Variants in COG7 observed in about 807,000 individuals in gnomAD.
COG7 encodes component of oligomeric golgi complex 7, also known as conserved oligomeric Golgi complex subunit 7.
In COG7, 49 loss-of-function variants were observed where a neutral mutation model predicts 91.5. That is an observed-to-expected ratio of 0.54 (90% CI 0.43 to 0.68). COG7 has a LOEUF of 0.68. Among genes scored for constraint, COG7 ranks in the 30% least tolerant of loss-of-function variants. The pLI is 0.00. For missense variants in COG7, 895 were observed against 961.3 expected, an observed-to-expected ratio of 0.93 and a Z score of 0.91; for synonymous variants, 365 against 388.7, an observed-to-expected ratio of 0.94 and a Z score of 0.72.
Position 23,389,412 on chromosome 16 carries a change from CACACACACTCACATGT to C in COG7, c.2147-342_2147-327del, listed in dbSNP as rs1461421673. 9.2e-4 allele frequency among the ~76,000 whole-genome samples: 140 copies of C among 151,530 alleles called. 1 individual carries two copies. Among genetic ancestry groups the C allele is most frequent in the Non-Finnish European group, 1.8e-3 (119 of 67,912 alleles). ...TCACATCCAAACTCACACAAACTCG[CACACACACTCACATGT>C]ACACACACTCACATGCACACACTCT... On this transcript the variant is annotated intron_variant, in intron 16 of 16. Transcript: ENST00000307149.
intron 6 of COG7, among the ~76,000 whole-genome samples, chr16:23,426,180 C>A (rs1366394907): frequency 6.6e-6 from 1 of 152,196 alleles, no homozygotes; most frequent in African/African-American, 2.4e-5. Flanking sequence ...GTTGCCACTG[C>A]ACTCCAGCCT....
chr16:23,451,595 C>T (rs1434878525), intron 1 of COG7, among the ~76,000 whole-genome samples: 26 of 151,700 alleles, frequency 1.7e-4, no homozygotes, highest in Admixed American at 1.7e-3. Flanking sequence ...TGGCACATGC[C>T]TATAGTTCCA....
intron 12 of COG7, among the ~76,000 whole-genome samples, chr16:23,404,983 C>T (rs1457359577): frequency 6.6e-6 from 1 of 152,150 alleles, no homozygotes; most frequent in East Asian, 1.9e-4. Flanking sequence ...CTGTCTATCA[C>T]CAAGAGTGAA....
intron 11 of COG7, among the ~76,000 whole-genome samples, chr16:23,407,990 T>A: frequency 6.7e-6 from 1 of 149,204 alleles, no homozygotes; most frequent in African/African-American, 2.5e-5. Context: ...CTAAGCTCTT[T>A]GAGGGCGAGG....
intron 16 of COG7, among the ~76,000 whole-genome samples, chr16:23,391,321 C>G (rs1963192129): frequency 6.6e-6 from 1 of 152,204 alleles, no homozygotes; most frequent in South Asian, 2.1e-4. Flanking sequence ...AGTTCTTCCC[C>G]CTGCTGCTGC....
Position 23,388,839 on chromosome 16 carries a change from G to A in COG7, c.*81C>T. ...TAAAGTAACTTCTGCCCAATCTTGGGCAGAGTTTCTGAGCAAATCTGTGCT... is the reference window on the plus strand; with the variant it reads ...TAAAGTAACTTCTGCCCAATCTTGGACAGAGTTTCTGAGCAAATCTGTGCT... On this transcript the variant is annotated 3_prime_UTR_variant, in exon 17 of 17. Coordinates refer to ENST00000307149, the MANE Select transcript of COG7 (RefSeq NM_153603.4). 1.2e-6 allele frequency: 2 copies of A among 1,605,970 alleles called. No individual in the cohort carries two copies. The highest frequency in any genetic ancestry group is 1.7e-6 in the Non-Finnish European group (2 of 1,177,022).
intron 14 of COG7, among the ~76,000 whole-genome samples, chr16:23,397,151 C>A (rs1963298651): frequency 6.6e-6 from 1 of 152,188 alleles, no homozygotes; most frequent in Non-Finnish European, 1.5e-5. Context: ...TCAAGCAATT[C>A]TCTCGCCTCT....
At chr16:23,403,623 A>G (rs1332232216) in intron 13 of COG7, 71 bp downstream of exon 13, 3 of 1,582,970 alleles carry the variant, frequency 1.9e-6, no homozygotes, top group East Asian at 4.5e-5. Context: ...GGGAGGGTTA[A>G]GCCCACACTC....
At chr16:23,450,931 T>A (rs1428967439) in intron 1 of COG7, among the ~76,000 whole-genome samples, 1 of 151,618 alleles carries the variant, frequency 6.6e-6, no homozygotes, top group Non-Finnish European at 1.5e-5. Flanking sequence ...CAGTGGCTCA[T>A]GCCTGTAATC....
At chr16:23,444,426 A>G (rs1343626942) in intron 3 of COG7, among the ~76,000 whole-genome samples, 2 of 151,812 alleles carry the variant, frequency 1.3e-5, no homozygotes, top group East Asian at 3.9e-4. Context: ...CCCAAGGTAT[A>G]TAAGGCTCCC....
chr16:23,399,035 T>C (rs1216799268), intron 13 of COG7, among the ~76,000 whole-genome samples: 1 of 152,194 alleles, frequency 6.6e-6, no homozygotes, highest in African/African-American at 2.4e-5. Context: ...AGGCCCTTTC[T>C]GGCTGAACTC....
intron 3 of COG7, 92 bp from the exon 4 acceptor site, chr16:23,442,737 A>G (rs1297672203): frequency 1.7e-6 from 2 of 1,158,570 alleles, no homozygotes; most frequent in African/African-American, 1.5e-5. Flanking sequence ...GCAACTCATC[A>G]AGTATGAAAA....
In COG7 at chr16:23,424,628, C is replaced by T. The variant is rs111822638; in HGVS notation, c.1009+121G>A. On this transcript the variant is annotated intron_variant, in intron 7 of 16. Coordinates refer to ENST00000307149, the MANE Select transcript of COG7 (RefSeq NM_153603.4). ...CCTCCACATCTGCTGAGAAGGAAAA[C>T]ACCGATCCCTTCCATTTCTGTAAAA... 5.7e-6 allele frequency: 6 copies of T among 1,044,566 alleles called. No individual in the cohort carries two copies. The African/African-American group carries it at 6.2e-5, about 11-fold the overall frequency. The allele number at this position is 1,044,566 out of a possible 1,614,324, so 64.7% of individuals were successfully genotyped here. A position where few individuals can be genotyped will look rare whatever the true frequency, so the allele number is the denominator to read the frequency against.
chr16:23,444,582 T>C (rs1176389876), intron 3 of COG7, among the ~76,000 whole-genome samples: 2 of 151,336 alleles, frequency 1.3e-5, no homozygotes, highest in Non-Finnish European at 2.9e-5. Flanking sequence ...TAGTTTACTG[T>C]AGCCTTCAAC....
chr16:23,441,714 G>T (rs1014702935), intron 4 of COG7: 1 of 152,048 alleles, frequency 6.6e-6, no homozygotes, highest in Non-Finnish European at 1.5e-5. Context: ...GCCCTTTACA[G>T]GAAATGTTTG....
intron 1 of COG7, among the ~76,000 whole-genome samples, chr16:23,449,692 G>A (rs566010894): frequency 1.1e-4 from 16 of 146,978 alleles, no homozygotes; most frequent in East Asian, 4.1e-4. Flanking sequence ...AGTGAGCCGC[G>A]ATCACGCCAT....
intron 14 of COG7, among the ~76,000 whole-genome samples, chr16:23,393,991 C>G (rs1401520486): frequency 6.8e-6 from 1 of 146,432 alleles, no homozygotes; most frequent in Non-Finnish European, 1.5e-5. Context: ...TGCAGTGAGC[C>G]AAGATCATGC....
At chr16:23,449,083 G>A (rs1310941628) in intron 1 of COG7, among the ~76,000 whole-genome samples, 2 of 151,970 alleles carry the variant, frequency 1.3e-5, no homozygotes, top group Non-Finnish European at 2.9e-5. Flanking sequence ...AGCTCCCACA[G>A]CCAGGCGCAG....
chr16:23,392,076 A>T, intron 16 of COG7: 7 of 1,294,330 alleles, frequency 5.4e-6, no homozygotes, highest in Non-Finnish European at 6.9e-6. Flanking sequence ...ATTATGGCAC[A>T]AATGGAGCGG....
Sources: allele counts gnomAD v4.1 joint callset (sites outside exome capture counted in the v4.1 genomes callset), GRCh38; gene constraint gnomAD v4.1.1; transcripts MANE v1.5; gene names NCBI Gene and HGNC (gene_info 2026-07-23, HGNC 2026-07-21).